Variants in ADGRL2 observed in about 807,000 individuals in gnomAD.
ADGRL2 encodes the protein calcium-independent alpha-latrotoxin receptor 2.
In ADGRL2, 44 loss-of-function variants were observed where a neutral mutation model predicts 157.4. The observed-to-expected ratio is 0.28, with a 90% CI of 0.22 to 0.36. The LOEUF (loss-of-function observed/expected upper bound fraction) is 0.36. Among genes scored for constraint, ADGRL2 ranks in the 10% least tolerant of loss-of-function variants. ADGRL2 has a pLI of 1.00. For synonymous variants in ADGRL2, 585 were observed against 624.7 expected (o/e 0.94, Z 0.95); for missense variants, 1,510 against 1,768.9 (o/e 0.85, Z 2.63).
chr1:81,459,056 T>C (rs77422591), intron 2 of ADGRL2, among the ~76,000 whole-genome samples: 1,914 of 152,278 alleles, frequency 0.013, 30 homozygotes, highest in East Asian at 0.041. Flanking sequence ...CAAAAGCAGA[T>C]AGCCATCTGT....
At chr1:81,461,979 GGA>G (rs2077942423) in intron 2 of ADGRL2, among the ~76,000 whole-genome samples, 1 of 151,216 alleles carries the variant, frequency 6.6e-6, no homozygotes, top group Non-Finnish European at 1.5e-5. Context: ...AGGGAAAGAG[GGA>G]GAGAGTGACA....
At chr1:81,911,312 T>C (rs187411302) in intron 3 of ADGRL2, among the ~76,000 whole-genome samples, 1 of 152,120 alleles carries the variant, frequency 6.6e-6, no homozygotes, top group African/African-American at 2.4e-5. Context: ...TTAAAGATAA[T>C]TGTTGGGGGG....
chr1:81,543,537 T>G (rs948644727), intron 2 of ADGRL2, among the ~76,000 whole-genome samples: 1 of 152,252 alleles, frequency 6.6e-6, no homozygotes, highest in Non-Finnish European at 1.5e-5. Flanking sequence ...ATATTTTTTC[T>G]ATTTAAAATA....
intron 2 of ADGRL2, among the ~76,000 whole-genome samples, chr1:81,764,588 G>A (rs1447328809): frequency 1.3e-5 from 2 of 152,028 alleles, no homozygotes; most frequent in Admixed American, 6.5e-5. Context: ...CTATAAACTA[G>A]AAGGATTACT....
intron 2 of ADGRL2, among the ~76,000 whole-genome samples, chr1:81,889,852 G>A (rs1307443320): frequency 1.3e-5 from 2 of 152,048 alleles, no homozygotes; most frequent in Non-Finnish European, 2.9e-5. Flanking sequence ...AAAAATCCTT[G>A]GGCCATTAGG....
chr1:81,339,265 TAAG>T (rs1003169362), intron 1 of ADGRL2, among the ~76,000 whole-genome samples: 4 of 152,202 alleles, frequency 2.6e-5, no homozygotes, highest in African/African-American at 9.7e-5. Context: ...GGAAACAGCT[TAAG>T]GTTAGAATTA....
intron 1 of ADGRL2, among the ~76,000 whole-genome samples, chr1:81,808,667 A>G (rs141125352): frequency 3.3e-4 from 50 of 152,224 alleles, no homozygotes; most frequent in African/African-American, 1.2e-3. Context: ...CCATTATAAG[A>G]TATAAATAGG....
intron 17 of ADGRL2, 71 bp from the exon 18 acceptor site, chr1:81,979,798 T>C: frequency 1.2e-6 from 1 of 868,252 alleles, no homozygotes; most frequent in Non-Finnish European, 1.9e-6. Flanking sequence ...CATGGATCGA[T>C]ACATTTGCAA....
chr1:81,509,004 G>C (rs2079028942), intron 2 of ADGRL2, among the ~76,000 whole-genome samples: 1 of 152,170 alleles, frequency 6.6e-6, no homozygotes, highest in Non-Finnish European at 1.5e-5. Flanking sequence ...AATGTATGCA[G>C]TATCATAGCT....
At chr1:81,669,791 A>T (rs2082832769) in intron 3 of ADGRL2, among the ~76,000 whole-genome samples, 1 of 151,958 alleles carries the variant, frequency 6.6e-6, no homozygotes, top group South Asian at 2.1e-4. Context: ...AAATACAAAA[A>T]AATTAGCCAG....
chr1:81,912,793 A>C (rs1442755458), intron 3 of ADGRL2, among the ~76,000 whole-genome samples: 1 of 152,180 alleles, frequency 6.6e-6, no homozygotes, highest in Non-Finnish European at 1.5e-5. Context: ...CAGCTCAAAT[A>C]AAAGAACATG....
chr1:81,517,282 C>T (rs1356114100), intron 2 of ADGRL2, among the ~76,000 whole-genome samples: 4 of 151,630 alleles, frequency 2.6e-5, no homozygotes, highest in Non-Finnish European at 2.9e-5. Flanking sequence ...ACCAGCCTGA[C>T]CAACATGGTG....
At chr1:81,833,326 C>G (rs1466658914) in intron 1 of ADGRL2, among the ~76,000 whole-genome samples, 1 of 152,106 alleles carries the variant, frequency 6.6e-6, no homozygotes, top group South Asian at 2.1e-4. Flanking sequence ...TTCCTGTTCT[C>G]TTCATGTTAT....
At chr1:81,612,876 C>T (rs188156794) in intron 3 of ADGRL2, among the ~76,000 whole-genome samples, 1 of 152,198 alleles carries the variant, frequency 6.6e-6, no homozygotes, top group South Asian at 2.1e-4. Flanking sequence ...CACTTCACAT[C>T]TGTCAGGATG....
chr1:81,500,780 CTTA>C (rs2078829126), intron 2 of ADGRL2, among the ~76,000 whole-genome samples: 1 of 152,018 alleles, frequency 6.6e-6, no homozygotes, highest in Non-Finnish European at 1.5e-5. Flanking sequence ...AGTAAATGTA[CTTA>C]TTGTCACTGA....
intron 3 of ADGRL2, among the ~76,000 whole-genome samples, chr1:81,590,407 C>T (rs1387820590): frequency 6.6e-6 from 1 of 152,128 alleles, no homozygotes; most frequent in Admixed American, 6.6e-5. Context: ...CCCACCCACA[C>T]AGCAGCCATT....
chr1:81,321,712 G>A (rs1378079472), intron 1 of ADGRL2, among the ~76,000 whole-genome samples: 1 of 151,760 alleles, frequency 6.6e-6, no homozygotes, highest in Non-Finnish European at 1.5e-5. Flanking sequence ...AACTATAATA[G>A]TCACATCAAA....
chr1:81,425,899 C>T (rs1405751320), intron 1 of ADGRL2, among the ~76,000 whole-genome samples: 3 of 151,832 alleles, frequency 2.0e-5, no homozygotes, highest in African/African-American at 4.9e-5. Context: ...CAGAAACTTG[C>T]CCTGTTGCCC....
intron 2 of ADGRL2, among the ~76,000 whole-genome samples, chr1:81,783,930 C>T (rs2086921289): frequency 6.6e-6 from 1 of 152,014 alleles, no homozygotes; most frequent in South Asian, 2.1e-4. Flanking sequence ...ATTCATATAA[C>T]CCTCACAACA....
Sources: gnomAD v4.1 joint callset for allele counts (sites outside exome capture counted in the v4.1 genomes callset) on GRCh38, gnomAD v4.1.1 for gene constraint, MANE v1.5 for transcripts, NCBI Gene and HGNC (gene_info 2026-07-23, HGNC 2026-07-21) for gene names.